The following ASTN2 variants were observed in gnomAD, a reference collection of about 807,000 sequenced individuals.
The protein encoded by ASTN2 is astrotactin-2.
ASTN2 carries 54 observed loss-of-function variants against 139.8 expected under a neutral mutation model. The observed-to-expected ratio is 0.39, with a 90% CI of 0.31 to 0.48. The LOEUF (loss-of-function observed/expected upper bound fraction) is 0.48. Ranked by LOEUF, ASTN2 falls within the 20% of genes least tolerant of loss-of-function variation. The pLI, the probability that ASTN2 is intolerant of heterozygous loss-of-function variation, is 0.95. For missense variants in ASTN2, 1,565 were observed against 1,725.1 expected (o/e 0.91, Z 1.64); for synonymous variants, 756 against 719.5 (o/e 1.05, Z -0.81).
chr9:116,689,665 A>G (rs1860463414), intron 16 of ASTN2, among the ~76,000 whole-genome samples: 1 of 152,164 alleles, frequency 6.6e-6, no homozygotes, highest in Admixed American at 6.5e-5. Context: ...CCTCTAATGA[A>G]AAAGAGGATT....
intron 13 of ASTN2, among the ~76,000 whole-genome samples, chr9:116,769,412 A>G (rs1254127794): frequency 1.3e-5 from 2 of 152,170 alleles, no homozygotes; most frequent in African/African-American, 4.8e-5. Flanking sequence ...GACCATTTGC[A>G]TAGATTTCTC....
At chr9:116,783,429 C>T (rs1449744625) in intron 13 of ASTN2, among the ~76,000 whole-genome samples, 1 of 151,550 alleles carries the variant, frequency 6.6e-6, no homozygotes, top group Admixed American at 6.6e-5. Flanking sequence ...GCCCTGTTCA[C>T]TCTAATTACT....
intron 16 of ASTN2, among the ~76,000 whole-genome samples, chr9:116,661,185 G>C (rs1272795269): frequency 1.3e-5 from 2 of 151,818 alleles, no homozygotes; most frequent in African/African-American, 4.9e-5. Context: ...TTCCTCCTGG[G>C]ACAAGGCAGG....
At chr9:116,636,583 G>A (rs564688108) in intron 17 of ASTN2, among the ~76,000 whole-genome samples, 2 of 152,258 alleles carry the variant, frequency 1.3e-5, no homozygotes, top group South Asian at 4.1e-4. Context: ...TTGGGAGGCT[G>A]AGGCAGGAAA....
At chr9:116,889,720 T>TACACAC (rs9299242) in intron 10 of ASTN2, among the ~76,000 whole-genome samples, 203 of 136,666 alleles carry the variant, frequency 1.5e-3, no homozygotes, top group South Asian at 7.0e-3. Flanking sequence ...ACCTTGTCTC[T>TACACAC]ACACACACAC....
intron 19 of ASTN2, among the ~76,000 whole-genome samples, chr9:116,496,835 C>T (rs1429785702): frequency 6.6e-6 from 1 of 152,156 alleles, no homozygotes; most frequent in Non-Finnish European, 1.5e-5. Flanking sequence ...GGGAACTGTC[C>T]TTTATAAAAC....
intron 20 of ASTN2, among the ~76,000 whole-genome samples, chr9:116,469,634 G>A (rs1329703440): frequency 1.3e-5 from 2 of 152,112 alleles, no homozygotes. Flanking sequence ...AAAGTGAGAG[G>A]GGAAAAGTAT....
At chr9:116,489,988 A>T (rs1347023021) in intron 19 of ASTN2, among the ~76,000 whole-genome samples, 1 of 152,038 alleles carries the variant, frequency 6.6e-6, no homozygotes, top group Non-Finnish European at 1.5e-5. Flanking sequence ...AAACTTCTCA[A>T]TGTCTCCATT....
chr9:117,071,542 G>T (rs1185257899), intron 5 of ASTN2, among the ~76,000 whole-genome samples: 6 of 150,626 alleles, frequency 4.0e-5, no homozygotes, highest in Non-Finnish European at 8.9e-5. Context: ...GCTCCACCCA[G>T]TTCGAGCTTC....
At chr9:117,180,782 G>T in intron 3 of ASTN2, 2 of 1,552,302 alleles carry the variant, frequency 1.3e-6, no homozygotes, top group South Asian at 1.1e-5. Flanking sequence ...GGGATGAGCT[G>T]CTTCTCAGCC....
intron 1 of ASTN2, among the ~76,000 whole-genome samples, chr9:117,304,299 T>C (rs1022978266): frequency 6.6e-6 from 1 of 152,162 alleles, no homozygotes; most frequent in Admixed American, 6.5e-5. Flanking sequence ...CAAGATGGGG[T>C]TGGGCTTTCC....
intron 5 of ASTN2, among the ~76,000 whole-genome samples, chr9:117,091,987 G>A (rs1416589723): frequency 6.6e-6 from 1 of 152,142 alleles, no homozygotes; most frequent in Non-Finnish European, 1.5e-5. Context: ...TAGAGAAGGG[G>A]AGAACTTGTT....
At chr9:116,901,321 G>A (rs930568302) in intron 10 of ASTN2, among the ~76,000 whole-genome samples, 44 of 152,080 alleles carry the variant, frequency 2.9e-4, no homozygotes, top group African/African-American at 1.1e-3. Flanking sequence ...AGACCAGCCT[G>A]GGTAACATAG....
chr9:116,757,814 A>G (rs61106340), intron 13 of ASTN2, among the ~76,000 whole-genome samples: 13,587 of 152,244 alleles, frequency 0.089, 741 homozygotes, highest in Admixed American at 0.17. Context: ...GAGACCAATC[A>G]TCTTCTGAGC....
At chr9:116,510,187 G>T (rs1374544792) in intron 19 of ASTN2, among the ~76,000 whole-genome samples, 2 of 152,136 alleles carry the variant, frequency 1.3e-5, no homozygotes, top group South Asian at 4.1e-4. Context: ...TTTTGTATAA[G>T]GTGTAAGGAA....
At chr9:116,987,542 G>A (rs1294781023) in intron 7 of ASTN2, among the ~76,000 whole-genome samples, 2 of 152,138 alleles carry the variant, frequency 1.3e-5, no homozygotes, top group African/African-American at 4.8e-5. Flanking sequence ...CCTGAGGTCT[G>A]CCAGCCATGC....
chr9:117,055,466 A>G (rs1434764057), intron 5 of ASTN2, among the ~76,000 whole-genome samples: 1 of 152,208 alleles, frequency 6.6e-6, no homozygotes, highest in Non-Finnish European at 1.5e-5. Context: ...AACATGCAGA[A>G]TATATTTAGT....
chr9:116,511,043 A>C (rs1850353495), intron 19 of ASTN2, among the ~76,000 whole-genome samples: 1 of 152,134 alleles, frequency 6.6e-6, no homozygotes, highest in South Asian at 2.1e-4. Flanking sequence ...CGCTGTGTTC[A>C]ATAGGAGTGG....
chr9:116,757,798 G>A (rs1829574541), intron 13 of ASTN2, among the ~76,000 whole-genome samples: 1 of 152,162 alleles, frequency 6.6e-6, no homozygotes, highest in South Asian at 2.1e-4. Flanking sequence ...GATTGGCCCA[G>A]TGGATGAGAC....
Sources: gnomAD v4.1 joint callset for allele counts (sites outside exome capture counted in the v4.1 genomes callset) on GRCh38, gnomAD v4.1.1 for gene constraint, MANE v1.5 for transcripts, NCBI Gene and HGNC (gene_info 2026-07-23, HGNC 2026-07-21) for gene names.